Variants in CSMD1 observed in about 807,000 individuals in gnomAD.
The protein encoded by CSMD1 is CUB and Sushi multiple domains 1.
A neutral mutation model predicts 417.5 loss-of-function variants in CSMD1; 213 were observed. The observed-to-expected ratio is 0.51, with a 90% CI of 0.46 to 0.57. CSMD1 has a LOEUF of 0.57. Among genes scored for constraint, CSMD1 ranks in the 20% least tolerant of loss-of-function variants. CSMD1 has a pLI of 0.00. For synonymous variants in CSMD1, 2,862 were observed against 1,736.8 expected, an observed-to-expected ratio of 1.65 and a Z score of -16.11; for missense variants, 6,923 against 4,529.7, an observed-to-expected ratio of 1.53 and a Z score of -15.17.
intron 5 of CSMD1, among the ~76,000 whole-genome samples, chr8:3,898,908 T>C (rs565752627): frequency 1.8e-4 from 28 of 152,292 alleles, no homozygotes; most frequent in South Asian, 4.1e-4. Context: ...TTTTAAACTG[T>C]AGTGACTCTA....
chr8:3,347,293 A>C (rs1017558416), intron 22 of CSMD1, among the ~76,000 whole-genome samples: 3 of 152,188 alleles, frequency 2.0e-5, no homozygotes, highest in Middle Eastern at 3.2e-3. Context: ...GAAGGTTCCC[A>C]ATTTATTGAA....
intron 3 of CSMD1, among the ~76,000 whole-genome samples, chr8:4,276,004 T>A (rs564786006): frequency 6.6e-6 from 1 of 152,284 alleles, no homozygotes; most frequent in East Asian, 1.9e-4. Flanking sequence ...GAAATAGGAA[T>A]GCTTTTACAA....
At chr8:3,255,194 G>C (rs1800560300) in intron 26 of CSMD1, among the ~76,000 whole-genome samples, 1 of 152,146 alleles carries the variant, frequency 6.6e-6, no homozygotes, top group Non-Finnish European at 1.5e-5. Context: ...GGATATTGGT[G>C]AACAGCGAAT....
intron 5 of CSMD1, among the ~76,000 whole-genome samples, chr8:3,897,336 C>G (rs1450092233): frequency 1.3e-5 from 2 of 152,182 alleles, no homozygotes; most frequent in African/African-American, 2.4e-5. Flanking sequence ...TCAGGTTTCT[C>G]TTATAAGCAG....
intron 1 of CSMD1, among the ~76,000 whole-genome samples, chr8:4,837,405 T>C (rs1191193824): frequency 1.3e-5 from 2 of 152,176 alleles, no homozygotes; most frequent in East Asian, 3.9e-4. Flanking sequence ...GGAGTACTAT[T>C]CAACCATAAA....
chr8:3,104,534 T>C (rs747104188), intron 46 of CSMD1, among the ~76,000 whole-genome samples: 1 of 151,988 alleles, frequency 6.6e-6, no homozygotes, highest in Non-Finnish European at 1.5e-5. Context: ...TCAATGTTAA[T>C]ATTTTTTCAA....
At chr8:4,883,603 T>C (rs1261535083) in intron 1 of CSMD1, among the ~76,000 whole-genome samples, 1 of 152,146 alleles carries the variant, frequency 6.6e-6, no homozygotes, top group Non-Finnish European at 1.5e-5. Flanking sequence ...GCTGGCTTCT[T>C]TCACTTAGTA....
chr8:3,960,643 T>C (rs1359877993), intron 5 of CSMD1, among the ~76,000 whole-genome samples: 1 of 147,730 alleles, frequency 6.8e-6, no homozygotes, highest in African/African-American at 2.7e-5. Flanking sequence ...ATGCACTGAT[T>C]AATTGATTAT....
At chr8:4,692,004 C>A (rs1258855569) in intron 1 of CSMD1, among the ~76,000 whole-genome samples, 3 of 152,166 alleles carry the variant, frequency 2.0e-5, no homozygotes, top group Middle Eastern at 3.2e-3. Flanking sequence ...CTTCAGTGCC[C>A]TCTTGTACAG....
At chr8:2,951,384 G>A in intron 65 of CSMD1, 109 bp from the exon 66 acceptor site, 1 of 1,145,520 alleles carries the variant, frequency 8.7e-7, no homozygotes, top group Non-Finnish European at 1.2e-6. Context: ...TCACAGATGA[G>A]GGCAGTGATG....
intron 7 of CSMD1, among the ~76,000 whole-genome samples, chr8:3,664,358 C>T (rs149412729): frequency 6.6e-6 from 1 of 152,314 alleles, no homozygotes; most frequent in Admixed American, 6.5e-5. Flanking sequence ...AAATATTGGA[C>T]TTCATACAAT....
At chr8:3,471,627 TCTCTCCCTC>T (rs1352605501) in intron 11 of CSMD1, among the ~76,000 whole-genome samples, 1 of 134,468 alleles carries the variant, frequency 7.4e-6, no homozygotes, top group Non-Finnish European at 1.6e-5. Flanking sequence ...CTTCCCTCCC[TCTCTCCCTC>T]CCTTCTTCCT....
chr8:3,405,184 C>G (rs1006412686), intron 15 of CSMD1, among the ~76,000 whole-genome samples: 2 of 152,124 alleles, frequency 1.3e-5, no homozygotes, highest in African/African-American at 4.8e-5. Flanking sequence ...TGATATTTTA[C>G]TTTTCTTCTT....
rs528390097 is a variant in CSMD1 at position 3,096,127 on chromosome 8, G to C, written c.7138+722C>G. Among the ~76,000 whole-genome samples, 651 of 152,258 alleles carry C rather than the reference G, an allele frequency of 4.3e-3. 1 individual carries two copies. Among genetic ancestry groups the C allele is most frequent in the Non-Finnish European group, 6.8e-3 (463 of 68,020 alleles). On this transcript the variant is annotated intron_variant, in intron 47 of 69. Coordinates refer to ENST00000635120, the MANE Select transcript of CSMD1 (RefSeq NM_033225.6). The stretch of plus-strand genomic sequence containing the variant: ...TATAGGAGAGAGAGAAAGAGTTATT[G>C]AGATCATCTTCTCTAAATCACTGTG...
At chr8:3,998,403 G>C (rs1815394045) in intron 4 of CSMD1, among the ~76,000 whole-genome samples, 1 of 152,140 alleles carries the variant, frequency 6.6e-6, no homozygotes. Flanking sequence ...TTGATAGGCA[G>C]CCTAACAAGA....
intron 3 of CSMD1, among the ~76,000 whole-genome samples, chr8:4,179,237 T>A (rs1217728126): frequency 6.6e-6 from 1 of 151,594 alleles, no homozygotes; most frequent in Admixed American, 6.6e-5. Flanking sequence ...GAGATATAAA[T>A]CAATGGAACA....
chr8:4,681,234 G>C (rs926083817), intron 1 of CSMD1, among the ~76,000 whole-genome samples: 6 of 152,038 alleles, frequency 3.9e-5, no homozygotes, highest in Non-Finnish European at 5.9e-5. Flanking sequence ...TTGAAAATAA[G>C]ACCCTAGATA....
chr8:4,435,173 A>C (rs1798083809), intron 2 of CSMD1, among the ~76,000 whole-genome samples: 1 of 152,194 alleles, frequency 6.6e-6, no homozygotes, highest in Non-Finnish European at 1.5e-5. Context: ...TAACAATTTC[A>C]ATAGGGAATA....
At chr8:4,900,518 GTC>G (rs1371343733) in intron 1 of CSMD1, among the ~76,000 whole-genome samples, 2 of 152,118 alleles carry the variant, frequency 1.3e-5, no homozygotes, top group Non-Finnish European at 2.9e-5. Flanking sequence ...TGGTCTGCCA[GTC>G]TCTGATTTCT....
Sources: gnomAD v4.1 joint callset for allele counts (sites outside exome capture counted in the v4.1 genomes callset) on GRCh38, gnomAD v4.1.1 for gene constraint, MANE v1.5 for transcripts, NCBI Gene and HGNC (gene_info 2026-07-23, HGNC 2026-07-21) for gene names.